Variants in DARS2 observed in about 807,000 individuals in gnomAD.
The protein encoded by DARS2 is aspartate--tRNA ligase, mitochondrial.
In DARS2, 63 loss-of-function variants were observed where a neutral mutation model predicts 83.0. The ratio of observed to expected loss-of-function variants is 0.76; its 90% CI spans 0.62 to 0.94. The LOEUF (loss-of-function observed/expected upper bound fraction) is 0.94, where lower values mean the gene tolerates loss of function less well. DARS2 is among the 40% of genes least tolerant of loss of function. The pLI is 0.00. For synonymous variants in DARS2, 250 were observed against 269.3 expected (o/e 0.93, Z 0.70); for missense variants, 675 against 774.4 (o/e 0.87, Z 1.52).
chr1:173,825,540 C>G (rs895262118), intron 1 of DARS2, among the ~76,000 whole-genome samples, 184 bp downstream of exon 1: 1 of 151,718 alleles, frequency 6.6e-6, no homozygotes, highest in African/African-American at 2.4e-5. Flanking sequence ...GCGATCTCCG[C>G]TCACTGCAAG....
At position 173,830,603 on chromosome 1, in the gene DARS2, T is replaced by C. The variant is rs887468628; in HGVS notation, c.295-57T>C. Reference sequence around the variant, plus strand: ...TTTTAAACCATCTACTTATAATTACTGAAGATTCCTGTAAGTTCATTTGTT... The same window carrying C: ...TTTTAAACCATCTACTTATAATTACCGAAGATTCCTGTAAGTTCATTTGTT... On this transcript the variant is annotated intron_variant, in intron 3 of 16. Transcript: ENST00000649689. 5.8e-6 allele frequency: 8 copies of C among 1,378,076 alleles called. 1 individual carries two copies. The South Asian group carries it at 9.3e-5, about 16-fold the overall frequency. The allele number at this position is 1,378,076 out of a possible 1,614,324, so 85.4% of individuals were successfully genotyped here. A position where few individuals can be genotyped will look rare whatever the true frequency, so the allele number is the denominator to read the frequency against.
At chr1:173,844,360 T>A (rs1267189727) in intron 11 of DARS2, among the ~76,000 whole-genome samples, 3 of 152,078 alleles carry the variant, frequency 2.0e-5, no homozygotes, top group Non-Finnish European at 4.4e-5. Context: ...GTGGAATACA[T>A]TCACAGCTAT....
chr1:173,827,733 C>T (rs1453688323), intron 2 of DARS2, among the ~76,000 whole-genome samples: 3 of 152,090 alleles, frequency 2.0e-5, no homozygotes, highest in African/African-American at 4.8e-5. Flanking sequence ...GTACCTGTTC[C>T]TGATGCTGAG....
intron 5 of DARS2, 92 bp from the exon 6 acceptor site, chr1:173,833,284 C>A: frequency 8.4e-7 from 1 of 1,189,890 alleles, no homozygotes; most frequent in Non-Finnish European, 1.2e-6. Context: ...AAAGACAGAG[C>A]TAAAATTTTT....
At chr1:173,826,580 C>G in intron 1 of DARS2, 107 bp from the exon 2 acceptor site, 2 of 762,626 alleles carry the variant, frequency 2.6e-6, no homozygotes, top group Non-Finnish European at 4.3e-6. Context: ...CCCTGTAGCC[C>G]TGACATACCT....
chr1:173,827,368 G>A (rs1652620892), intron 2 of DARS2, among the ~76,000 whole-genome samples: 1 of 152,180 alleles, frequency 6.6e-6, no homozygotes, highest in Non-Finnish European at 1.5e-5. Context: ...TGGCGTGTAA[G>A]CCTGTAATCC....
In DARS2 at chr1:173,850,315, T is replaced by A; in HGVS notation, c.1192-12T>A. On this transcript the variant is annotated splice_polypyrimidine_tract_variant and intron_variant, in intron 12 of 16. Coordinates refer to ENST00000649689, the MANE Select transcript of DARS2 (RefSeq NM_018122.5). ...AAAAAAAAACGTGAATAAGTCTTTT[T>A]CTTTTACACAGGAAATCTTACCTGT... 6.3e-7 allele frequency: 1 copy of A among 1,598,266 alleles called. No homozygotes were observed. The highest frequency in any genetic ancestry group is 1.2e-5 in the South Asian group (1 of 86,638).
rs1653924266 is a variant in DARS2, at chr1:173,858,142, TA to T, written c.*438del. The T allele has an allele frequency of 4.8e-6, 1 of 209,578 alleles. No individual in the cohort carries two copies. Among genetic ancestry groups the T allele is most frequent in the African/African-American group, 2.3e-5 (1 of 43,160 alleles). The allele number at this position is 209,578 out of a possible 1,614,324, so 13.0% of individuals were successfully genotyped here. A position where few individuals can be genotyped will look rare whatever the true frequency, so the allele number is the denominator to read the frequency against. On this transcript the variant is annotated 3_prime_UTR_variant, in exon 17 of 17. Transcript: ENST00000649689. ...TTCATCATCCTCATCAAGAGAATCA[TA>T]TAAATTAAGCTTTATAATGACATTT...
intron 12 of DARS2, 54 bp downstream of exon 12, chr1:173,845,345 CTAT>C (rs1367084479): frequency 1.2e-5 from 13 of 1,098,976 alleles, no homozygotes; most frequent in African/African-American, 1.5e-5. Flanking sequence ...ATATTTTTAA[CTAT>C]TATTAACTAA....
At chr1:173,833,955 T>A (rs903369156) in intron 6 of DARS2, among the ~76,000 whole-genome samples, 1 of 151,880 alleles carries the variant, frequency 6.6e-6, no homozygotes, top group Admixed American at 6.6e-5. Flanking sequence ...AGAGACAGGG[T>A]CTCATTATGT....
In DARS2 at chr1:173,853,423, C is replaced by T. The variant is rs756138454; in HGVS notation, c.1419C>T (p.Pro473=). 2 of 1,614,096 alleles carry T rather than the reference C, an allele frequency of 1.2e-6. No homozygotes were observed. The highest frequency in any genetic ancestry group is 3.3e-5 in the Admixed American group (2 of 60,018). ...LETRGVVLRD[P]TLFSFLWVVD... ...CAAGAGGAGTGGTGCTCCGTGACCC[C>T]ACTCTGTTCTCTTTCCTTTGGGTGG... The change falls in exon 14 of 17, where the codon CCC becomes CCT. Residue 473 remains proline (P), a synonymous_variant. Coordinates refer to ENST00000649689, the MANE Select transcript of DARS2 (RefSeq NM_018122.5).
chr1:173,857,522 A>T lies in DARS2; in HGVS notation c.1755A>T (p.Leu585Phe), dbSNP rs1156832508. 6.2e-7 allele frequency: 1 copy of T among 1,613,898 alleles called. No homozygotes were observed. Among genetic ancestry groups the T allele is most frequent in the Non-Finnish European group, 8.5e-7 (1 of 1,179,846 alleles). The stretch of plus-strand genomic sequence containing the variant: ...ATCTTTGTATTTTACTCACAGGGTT[A>T]GACAGACTGATATGCCTTGTCACTG... ...APPHGGIALG[L>F]DRLICLVTGS... The change falls in exon 17 of 17, where the codon TTA becomes TTT. Residue 585 changes from leucine (L) to phenylalanine (F), a missense_variant. Physicochemically the swap from Leu to Phe is conservative, Grantham distance 22 (BLOSUM62 0). Coordinates refer to ENST00000649689, the MANE Select transcript of DARS2 (RefSeq NM_018122.5).
chr1:173,841,688 A>G (rs1413120681), intron 11 of DARS2, among the ~76,000 whole-genome samples: 5 of 152,126 alleles, frequency 3.3e-5, no homozygotes. Flanking sequence ...AGTCCCAGCT[A>G]TTCTGGAGGT....
intron 16 of DARS2, 104 bp downstream of exon 16, chr1:173,856,845 T>C: frequency 1.2e-6 from 1 of 816,858 alleles, no homozygotes; most frequent in Non-Finnish European, 2.0e-6. Context: ...AGTCCAAGAG[T>C]TCCATGAGAA....
chr1:173,827,474 A>G (rs1424818284), intron 2 of DARS2, among the ~76,000 whole-genome samples: 1 of 152,100 alleles, frequency 6.6e-6, no homozygotes, highest in African/African-American at 2.4e-5. Flanking sequence ...CTAAAAATAC[A>G]AAAAAAGTTC....
intron 10 of DARS2, among the ~76,000 whole-genome samples, chr1:173,840,438 A>C (rs1213861368): frequency 6.6e-6 from 1 of 152,148 alleles, no homozygotes; most frequent in Non-Finnish European, 1.5e-5. Flanking sequence ...GAATTTTGCC[A>C]TGTTGGCCAG....
At chr1:173,835,133 T>G (rs570348125) in intron 7 of DARS2, among the ~76,000 whole-genome samples, 2 of 151,560 alleles carry the variant, frequency 1.3e-5, no homozygotes, top group African/African-American at 4.8e-5. Flanking sequence ...TTTTTGTTTT[T>G]GTTTTTGTTT....
chr1:173,834,199 T>TA (rs1171302396), intron 6 of DARS2, among the ~76,000 whole-genome samples: 2 of 152,212 alleles, frequency 1.3e-5, no homozygotes, highest in Admixed American at 1.3e-4. Context: ...ACAGAACATT[T>TA]AAAAAATCAG....
chr1:173,833,070 C>T lies in DARS2; in HGVS notation c.493-306C>T, dbSNP rs61625780. ...TGGTGCTGTGTATTTTTCTAAGAGA[C>T]CTTTGAAATCTTTAAATTTTTTTCA... On this transcript the variant is annotated intron_variant, in intron 5 of 16. Transcript: ENST00000649689. Among the ~76,000 whole-genome samples the T allele has an allele frequency of 0.061, 9,323 of 152,080 alleles. 1,008 individuals are homozygous for T. Among genetic ancestry groups the T allele is most frequent in the African/African-American group, 0.21 (8,810 of 41,446 alleles).
Sources: gnomAD v4.1 joint callset for allele counts (sites outside exome capture counted in the v4.1 genomes callset) on GRCh38, gnomAD v4.1.1 for gene constraint, MANE v1.5 for transcripts, NCBI Gene and HGNC (gene_info 2026-07-23, HGNC 2026-07-21) for gene names.